The following MAN1A1 variants were observed in gnomAD, a reference collection of about 807,000 sequenced individuals.
The protein encoded by MAN1A1 is mannosyl-oligosaccharide 1,2-alpha-mannosidase IA.
A neutral mutation model predicts 70.8 loss-of-function variants in MAN1A1; 29 were observed. That is an observed-to-expected ratio of 0.41 (90% CI 0.31 to 0.56). MAN1A1 has a LOEUF of 0.56. Among genes scored for constraint, MAN1A1 ranks in the 20% least tolerant of loss-of-function variants. The probability of loss-of-function intolerance (pLI) is 0.29; values close to 1 mark genes in which losing one functional copy is unlikely to be tolerated. For missense variants in MAN1A1, 747 were observed against 841.3 expected, an observed-to-expected ratio of 0.89 and a Z score of 1.39; for synonymous variants, 349 against 330.1, an observed-to-expected ratio of 1.06 and a Z score of -0.62.
chr6:119,191,556 C>T (rs1395163014), intron 9 of MAN1A1, among the ~76,000 whole-genome samples: 8 of 152,022 alleles, frequency 5.3e-5, no homozygotes, highest in Non-Finnish European at 7.4e-5. Flanking sequence ...AAAAAGAGTA[C>T]TATATATTTT....
intron 2 of MAN1A1, among the ~76,000 whole-genome samples, chr6:119,312,561 C>T (rs1772740396): frequency 6.6e-6 from 1 of 152,056 alleles, no homozygotes; most frequent in Non-Finnish European, 1.5e-5. Flanking sequence ...ATGCTATCCC[C>T]ACCACCTACA....
chr6:119,212,393 T>C (rs1267021220), intron 6 of MAN1A1, among the ~76,000 whole-genome samples: 2 of 152,148 alleles, frequency 1.3e-5, no homozygotes, highest in African/African-American at 4.8e-5. Flanking sequence ...TATTAAGTGA[T>C]TCTGTTCAAC....
At chr6:119,269,115 A>T (rs547568501) in intron 5 of MAN1A1, 2 of 161,456 alleles carry the variant, frequency 1.2e-5, no homozygotes, top group East Asian at 3.6e-4. Context: ...CATAAGGAAT[A>T]AACAGTCTTT....
intron 6 of MAN1A1, among the ~76,000 whole-genome samples, chr6:119,236,949 T>G (rs989803926): frequency 3.3e-5 from 5 of 152,126 alleles, no homozygotes; most frequent in African/African-American, 1.2e-4. Flanking sequence ...TTCTAACCAT[T>G]CTAACCCTCC....
intron 11 of MAN1A1, among the ~76,000 whole-genome samples, chr6:119,185,035 G>A (rs1018867535): frequency 6.6e-6 from 1 of 152,056 alleles, no homozygotes. Flanking sequence ...GACTATAGGA[G>A]TGTGCCAGCA....
At chr6:119,307,808 CATAATTGAAAAAGGTTCCA>C (rs1178449063) in intron 2 of MAN1A1, among the ~76,000 whole-genome samples, 1 of 152,060 alleles carries the variant, frequency 6.6e-6, no homozygotes, top group Non-Finnish European at 1.5e-5. Context: ...AAAATATGGA[CATAATTGAAAAAGGTTCCA>C]ATCAGGCTCC....
intron 6 of MAN1A1, among the ~76,000 whole-genome samples, chr6:119,245,469 T>C (rs1416181790): frequency 6.6e-6 from 1 of 152,106 alleles, no homozygotes; most frequent in Non-Finnish European, 1.5e-5. Context: ...AAAGTAATCT[T>C]GTAGATAAAT....
intron 4 of MAN1A1, among the ~76,000 whole-genome samples, chr6:119,297,433 A>T (rs1772245578): frequency 6.6e-6 from 1 of 152,222 alleles, no homozygotes; most frequent in African/African-American, 2.4e-5. Context: ...TCTAATATTA[A>T]GATGACATGC....
At chr6:119,292,630 TAAAAAAATTC>T (rs960701067) in intron 4 of MAN1A1, among the ~76,000 whole-genome samples, 5 of 151,934 alleles carry the variant, frequency 3.3e-5, no homozygotes, top group Non-Finnish European at 7.4e-5. Flanking sequence ...TTGCTTAAGT[TAAAAAAATTC>T]AAAAAAATTC....
intron 2 of MAN1A1, among the ~76,000 whole-genome samples, chr6:119,307,813 T>C (rs566752498): frequency 3.3e-5 from 5 of 152,312 alleles, no homozygotes; most frequent in Non-Finnish European, 5.9e-5. Flanking sequence ...ATGGACATAA[T>C]TGAAAAAGGT....
intron 5 of MAN1A1, among the ~76,000 whole-genome samples, chr6:119,266,341 C>A (rs1775753723): frequency 6.6e-6 from 1 of 151,990 alleles, no homozygotes; most frequent in Non-Finnish European, 1.5e-5. Flanking sequence ...TATAGAGATA[C>A]AGAAATGAAG....
chr6:119,248,339 CTT>C lies in MAN1A1; in HGVS notation c.911_912del (p.Lys304SerfsTer67). 6.2e-7 allele frequency: 1 copy of C among 1,610,846 alleles called. No individual in the cohort carries two copies. The highest frequency in any genetic ancestry group is 8.5e-7 in the Non-Finnish European group (1 of 1,177,106). ...YLSGEEIFRK[K>X]AVELGVKLLP... ...AGCAATTTTACCCCAAGTTCCACTG[CTT>C]TCTTTCGAAAAATCTGAAAAGTCAA... On this transcript the variant is annotated frameshift_variant, in exon 6 of 13. Transcript: ENST00000368468. LOFTEE classifies it high-confidence loss of function.
intron 6 of MAN1A1, among the ~76,000 whole-genome samples, chr6:119,247,982 C>A (rs1039620566): frequency 1.3e-5 from 2 of 152,148 alleles, no homozygotes; most frequent in African/African-American, 4.8e-5. Flanking sequence ...GAGACAGTAT[C>A]ATTGATGCAA....
intron 10 of MAN1A1, among the ~76,000 whole-genome samples, chr6:119,189,073 A>G (rs547041812): frequency 6.6e-6 from 1 of 152,336 alleles, no homozygotes; most frequent in African/African-American, 2.4e-5. Flanking sequence ...TCATATACTT[A>G]AACAATTTAG....
chr6:119,315,628 CA>C (rs1772830047), intron 2 of MAN1A1, among the ~76,000 whole-genome samples: 2 of 152,060 alleles, frequency 1.3e-5, no homozygotes. Flanking sequence ...AATACTTGAC[CA>C]AAATATAAGT....
At chr6:119,265,023 T>C (rs1318328774) in intron 5 of MAN1A1, among the ~76,000 whole-genome samples, 1 of 152,200 alleles carries the variant, frequency 6.6e-6, no homozygotes, top group African/African-American at 2.4e-5. Context: ...TGTCTTATTT[T>C]ATGTACAACT....
At chr6:119,315,649 T>C (rs1772830720) in intron 2 of MAN1A1, among the ~76,000 whole-genome samples, 1 of 152,234 alleles carries the variant, frequency 6.6e-6, no homozygotes, top group South Asian at 2.1e-4. Context: ...TCCATTTCTC[T>C]AAAACATTCT....
intron 6 of MAN1A1, among the ~76,000 whole-genome samples, chr6:119,214,178 C>T (rs779640926): frequency 3.9e-5 from 6 of 152,066 alleles, no homozygotes; most frequent in Non-Finnish European, 8.8e-5. Context: ...CTTGGCCAGG[C>T]TGGTCTCGAA....
intron 2 of MAN1A1, among the ~76,000 whole-genome samples, chr6:119,343,602 GA>G (rs1270033979): frequency 3.9e-5 from 6 of 152,124 alleles, no homozygotes; most frequent in African/African-American, 1.4e-4. Flanking sequence ...ACCAAGCAAG[GA>G]ACTAGGCTAA....
Sources: allele counts gnomAD v4.1 joint callset (sites outside exome capture counted in the v4.1 genomes callset), GRCh38; gene constraint gnomAD v4.1.1; transcripts MANE v1.5; gene names NCBI Gene and HGNC (gene_info 2026-07-23, HGNC 2026-07-21).